Variants in CHLSN observed in about 807,000 individuals in gnomAD.
CHLSN encodes cholesin.
chr7:1,007,378 G>A, the CHLSN span, among the ~76,000 whole-genome samples: 1 of 152,228 alleles, frequency 6.6e-6, no homozygotes, highest in Admixed American at 6.5e-5. Context: ...TGGGGGCTCT[G>A]TGGTGGGCCA....
At chr7:1,104,632 A>G in the CHLSN span, among the ~76,000 whole-genome samples, 1 of 152,202 alleles carries the variant, frequency 6.6e-6, no homozygotes. Flanking sequence ...GAGCGCAGCA[A>G]GTTTAAACTA....
the CHLSN span, among the ~76,000 whole-genome samples, chr7:1,136,944 C>T: frequency 2.6e-5 from 4 of 152,278 alleles, no homozygotes; most frequent in South Asian, 8.3e-4. Context: ...CAGAATGTGA[C>T]TCCCTTAAGA....
the CHLSN span, among the ~76,000 whole-genome samples, chr7:1,130,351 G>C: frequency 1.6e-4 from 24 of 152,196 alleles, no homozygotes; most frequent in Admixed American, 1.3e-4. Context: ...AGGGGTGCTG[G>C]TGGCTGTGGC....
the CHLSN span, chr7:988,350 A>G: frequency 2.9e-5 from 47 of 1,612,164 alleles, no homozygotes; most frequent in Admixed American, 7.8e-4. Context: ...GGCCAGTTCA[A>G]CCCCGGCCAT....
the CHLSN span, chr7:986,752 G>A: frequency 6.2e-7 from 1 of 1,605,692 alleles, no homozygotes; most frequent in Non-Finnish European, 8.5e-7. Context: ...TGTGCCCGGG[G>A]GACCCCGTGT....
chr7:1,008,982 C>T, the CHLSN span, among the ~76,000 whole-genome samples: 1 of 135,600 alleles, frequency 7.4e-6, no homozygotes, highest in South Asian at 2.3e-4. Context: ...CACACACACC[C>T]ATGCGAACAC....
chr7:1,061,349 G>A, the CHLSN span, among the ~76,000 whole-genome samples: 6 of 152,000 alleles, frequency 3.9e-5, no homozygotes, highest in Admixed American at 2.0e-4. Context: ...TGCCTCCAGC[G>A]CAGACCCTCG....
the CHLSN span, chr7:1,058,631 G>A: frequency 8.1e-6 from 5 of 617,888 alleles, no homozygotes; most frequent in African/African-American, 1.8e-5. Context: ...AGAAGCAGGA[G>A]GGGTGTTTTT....
At chr7:1,043,864 C>G in the CHLSN span, 4 of 152,270 alleles carry the variant, frequency 2.6e-5, no homozygotes, top group Non-Finnish European at 4.4e-5. Flanking sequence ...CTATGCGGAA[C>G]TGTGCAACCC....
the CHLSN span, among the ~76,000 whole-genome samples, chr7:1,016,872 G>GCACA: frequency 1.1e-5 from 1 of 88,430 alleles, no homozygotes; most frequent in African/African-American, 4.2e-5. Context: ...GCACACAGCA[G>GCACA]CGCACAGCAG....
chr7:1,038,453 G>A, the CHLSN span, among the ~76,000 whole-genome samples: 4 of 85,100 alleles, frequency 4.7e-5, no homozygotes, highest in South Asian at 7.3e-4. Flanking sequence ...CCCCCAACCC[G>A]GCCAGCCGCC....
At chr7:1,049,289 G>A in the CHLSN span, among the ~76,000 whole-genome samples, 1 of 152,246 alleles carries the variant, frequency 6.6e-6, no homozygotes, top group Non-Finnish European at 1.5e-5. Flanking sequence ...TGGGGAGGAG[G>A]CCAAAGATCT....
the CHLSN span, among the ~76,000 whole-genome samples, chr7:1,030,267 C>T: frequency 3.1e-3 from 470 of 152,310 alleles, 3 homozygotes; most frequent in Middle Eastern, 0.01. Context: ...GCTCATATGC[C>T]GTCTTCACCA....
chr7:1,105,784 C>T, the CHLSN span, among the ~76,000 whole-genome samples: 1 of 152,168 alleles, frequency 6.6e-6, no homozygotes, highest in African/African-American at 2.4e-5. Flanking sequence ...GCTAACATTT[C>T]TCTTTCTAAA....
At chr7:1,110,842 G>A in the CHLSN span, among the ~76,000 whole-genome samples, 3 of 151,268 alleles carry the variant, frequency 2.0e-5, no homozygotes, top group African/African-American at 7.3e-5. Context: ...CCACACACAG[G>A]CAATTCACAA....
chr7:1,072,220 C>A, the CHLSN span, among the ~76,000 whole-genome samples: 1 of 152,254 alleles, frequency 6.6e-6, no homozygotes, highest in East Asian at 1.9e-4. Flanking sequence ...GGTCAGCACA[C>A]ACTGACCCGC....
the CHLSN span, among the ~76,000 whole-genome samples, chr7:1,005,560 C>T: frequency 2.0e-5 from 3 of 152,206 alleles, no homozygotes; most frequent in African/African-American, 4.8e-5. Context: ...CCCTCGGCAG[C>T]GGGGCAGTGG....
the CHLSN span, among the ~76,000 whole-genome samples, chr7:1,004,486 A>G: frequency 6.8e-6 from 1 of 146,822 alleles, no homozygotes; most frequent in South Asian, 2.2e-4. Flanking sequence ...GGCCCACGGC[A>G]CTGCTGCCTA....
the CHLSN span, among the ~76,000 whole-genome samples, chr7:1,073,029 G>C: frequency 6.6e-6 from 1 of 152,170 alleles, no homozygotes; most frequent in Non-Finnish European, 1.5e-5. Context: ...TTAAAACAAT[G>C]TGCCCAGTAT....
Sources: allele counts gnomAD v4.1 joint callset (sites outside exome capture counted in the v4.1 genomes callset), GRCh38; gene constraint gnomAD v4.1.1; transcripts MANE v1.5; gene names NCBI Gene and HGNC (gene_info 2026-07-23, HGNC 2026-07-21).